TMPRSS6: variants seen among roughly 807,000 people sequenced by gnomAD.
TMPRSS6 encodes the protein transmembrane protease serine 6.
A neutral mutation model predicts 101.5 loss-of-function variants in TMPRSS6; 67 were observed. The observed-to-expected ratio is 0.66, with a 90% CI of 0.54 to 0.81. The LOEUF is 0.81. Ranked by LOEUF, TMPRSS6 falls within the 30% of genes least tolerant of loss-of-function variation. The pLI, the probability that TMPRSS6 is intolerant of heterozygous loss-of-function variation, is 0.00. For synonymous variants in TMPRSS6, 453 were observed against 464.9 expected (o/e 0.97, Z 0.33); for missense variants, 1,034 against 1,088.7 (o/e 0.95, Z 0.71).
At chr22:37,100,257 C>T (rs1044707116) in intron 2 of TMPRSS6, among the ~76,000 whole-genome samples, 14 of 152,266 alleles carry the variant, frequency 9.2e-5, no homozygotes, top group African/African-American at 3.4e-4. Flanking sequence ...GTGAGCCACG[C>T]GCCTGGCCCC....
At chr22:37,083,014 T>C (rs1928386543) in intron 10 of TMPRSS6, 3 of 470,906 alleles carry the variant, frequency 6.4e-6, no homozygotes, top group South Asian at 3.1e-5. Context: ...ACCCCAGAAA[T>C]CCAAGAATTC....
chr22:37,104,402 G>A (rs1394120309), intron 1 of TMPRSS6, among the ~76,000 whole-genome samples: 2 of 152,134 alleles, frequency 1.3e-5, no homozygotes, highest in East Asian at 1.9e-4. Context: ...CTTTTTCCAC[G>A]AATCTAAGAT....
At position 37,091,900 on chromosome 22, in the gene TMPRSS6, C is replaced by T. The variant is rs185322754; in HGVS notation, c.632-2118G>A. 5.7e-3 allele frequency among the ~76,000 whole-genome samples: 862 copies of T among 152,306 alleles called. 3 individuals carry two copies. The highest frequency in any genetic ancestry group is 9.2e-3 in the Non-Finnish European group (625 of 68,028). On this transcript the variant is annotated intron_variant, in intron 6 of 17. Transcript: ENST00000676104. ...TGCCACCTGTGGCTCAGCCCCTTCT[C>T]CCTGACCCCTGGCCATGCTGACTGC...
chr22:37,106,643 G>A (rs1432684244), intron 1 of TMPRSS6, among the ~76,000 whole-genome samples: 10 of 152,024 alleles, frequency 6.6e-5, no homozygotes, highest in African/African-American at 2.2e-4. Context: ...GTCTTCCAGC[G>A]CATCCTCCCT....
intron 16 of TMPRSS6, 119 bp from the exon 17 acceptor site, chr22:37,067,081 C>CT: frequency 1.4e-6 from 2 of 1,470,462 alleles, no homozygotes; most frequent in African/African-American, 2.8e-5. Flanking sequence ...TCTGCCCACC[C>CT]TTACCCCTGC....
At position 37,096,109 on chromosome 22, in the gene TMPRSS6, A is replaced by G. The variant is rs746987424; in HGVS notation, c.405-19T>C. On this transcript the variant is annotated intron_variant, in intron 4 of 17. Transcript: ENST00000676104. ...TCCCTCCCTAAGGCAGGCAGAAGTG[A>G]GAGAGGCCAGGGAAGGATTCTGAGG... 1.9e-5 allele frequency: 30 copies of G among 1,613,802 alleles called. No individual in the cohort carries two copies. The highest frequency in any genetic ancestry group is 3.3e-4 in the Middle Eastern group (2 of 6,078).
At chr22:37,091,321 G>C (rs554167876) in intron 6 of TMPRSS6, among the ~76,000 whole-genome samples, 21 of 152,198 alleles carry the variant, frequency 1.4e-4, no homozygotes, top group Admixed American at 1.4e-3. Context: ...TTTTCAGTCT[G>C]TTTTCTCTGC....
chr22:37,076,011 GAAA>G (rs1927628895), intron 10 of TMPRSS6, among the ~76,000 whole-genome samples: 1 of 145,256 alleles, frequency 6.9e-6, no homozygotes, highest in Admixed American at 6.9e-5. Context: ...AAGAAAGAAA[GAAA>G]GAAGAAAGAG....
Position 37,096,680 on chromosome 22 carries a change from A to G in TMPRSS6, c.372T>C (p.Thr124=). The G allele has an allele frequency of 6.4e-7, 1 of 1,567,666 alleles. No homozygotes were observed. The highest frequency in any genetic ancestry group is 8.7e-7 in the Non-Finnish European group (1 of 1,155,152). ...AATAGACGGAGCTGGAGTTGTAGTAAGTTCCCAGGCGGGTGCTGGTGATGA... is the reference window on the plus strand; with the variant it reads ...AATAGACGGAGCTGGAGTTGTAGTAGGTTCCCAGGCGGGTGCTGGTGATGA... ...KELITSTRLG[T]YYNSSSVYSF... Residue 124 remains threonine, a synonymous_variant, in exon 4 of 18, where the codon ACT becomes ACC. Transcript: ENST00000676104.
At chr22:37,096,492 A>T (rs916604090) in intron 4 of TMPRSS6, among the ~76,000 whole-genome samples, 156 bp downstream of exon 4, 1 of 152,186 alleles carries the variant, frequency 6.6e-6, no homozygotes, top group African/African-American at 2.4e-5. Flanking sequence ...GAGCCCAGTG[A>T]AGGGAGGGTG....
intron 3 of TMPRSS6, among the ~76,000 whole-genome samples, chr22:37,097,354 A>C (rs1929856198): frequency 6.6e-6 from 1 of 152,190 alleles, no homozygotes; most frequent in Non-Finnish European, 1.5e-5. Context: ...GAGACTGGAA[A>C]GTGGGCAACC....
At chr22:37,072,328 GAAT>G (rs1927077018) in intron 13 of TMPRSS6, among the ~76,000 whole-genome samples, 1 of 141,078 alleles carries the variant, frequency 7.1e-6, no homozygotes. Flanking sequence ...GATGATGGAT[GAAT>G]GGATGGATGA....
chr22:37,090,894 C>T (rs2078734307), intron 6 of TMPRSS6, among the ~76,000 whole-genome samples: 1 of 152,144 alleles, frequency 6.6e-6, no homozygotes, highest in African/African-American at 2.4e-5. Flanking sequence ...GGGAGAAAGG[C>T]CTGTGACTTT....
At chr22:37,094,867 T>A (rs966234099) in intron 6 of TMPRSS6, among the ~76,000 whole-genome samples, 1 of 151,720 alleles carries the variant, frequency 6.6e-6, no homozygotes, top group Non-Finnish European at 1.5e-5. Context: ...CACTAGATAG[T>A]GTGGGAGGAA....
rs773265243 is a variant in TMPRSS6 at position 37,086,318 on chromosome 22, G to A, written c.938C>T (p.Pro313Leu). 2.5e-6 allele frequency: 4 copies of A among 1,613,972 alleles called. No homozygotes were observed. Among genetic ancestry groups the A allele is most frequent in the South Asian group, 2.2e-5 (2 of 91,082 alleles). ...CACCGGCTGCACGGAGAGCACGAAG[G>A]GGTCGTAGTAGCTGTGCAGGCCCTT... is the stretch of plus-strand genomic sequence containing the variant. Reference protein sequence around the residue: ...WKKGLHSYYDPFVLSVQPVVF... With the variant: ...WKKGLHSYYDLFVLSVQPVVF... The change falls in exon 8 of 18, where the codon CCC becomes CTC. Residue 313 changes from proline to leucine, a missense_variant. Pro to Leu is a moderately conservative substitution (Grantham distance 98). Transcript: ENST00000676104.
intron 7 of TMPRSS6, among the ~76,000 whole-genome samples, chr22:37,089,087 A>G (rs996899298): frequency 1.3e-5 from 2 of 152,138 alleles, no homozygotes; most frequent in Non-Finnish European, 2.9e-5. Flanking sequence ...CTCAAAATAG[A>G]TACTGCACAC....
At chr22:37,072,004 C>CATGG (rs1377874324) in intron 13 of TMPRSS6, among the ~76,000 whole-genome samples, 1 of 98,976 alleles carries the variant, frequency 1.0e-5, no homozygotes, top group Non-Finnish European at 2.1e-5. Flanking sequence ...TGGATGGGTG[C>CATGG]ATGGATGGAT....
chr22:37,108,881 G>T (rs926712984), intron 1 of TMPRSS6, among the ~76,000 whole-genome samples: 2 of 152,170 alleles, frequency 1.3e-5, no homozygotes, highest in African/African-American at 4.8e-5. Context: ...GAGAGTGTGG[G>T]GGACTGGGTG....
chr22:37,085,193 G>T lies in TMPRSS6; in HGVS notation c.974-354C>A, dbSNP rs140133474. Among the ~76,000 whole-genome samples, 3 of 152,304 alleles carry T rather than the reference G, an allele frequency of 2.0e-5. No homozygotes were observed. In the East Asian group the frequency reaches 5.8e-4, roughly 29 times the overall value. On this transcript the variant is annotated intron_variant, in intron 8 of 17. Transcript: ENST00000676104. The stretch of plus-strand genomic sequence containing the variant: ...GGTGGTGGCTGGGGGAGAGAGAGCT[G>T]TTCCCCTTTTCCAAGATGAGGTTCG...
Sources: allele counts gnomAD v4.1 joint callset (sites outside exome capture counted in the v4.1 genomes callset), GRCh38; gene constraint gnomAD v4.1.1; transcripts MANE v1.5; gene names NCBI Gene and HGNC (gene_info 2026-07-23, HGNC 2026-07-21).